CACNA2D3: variants seen among roughly 807,000 people sequenced by gnomAD.
The protein encoded by CACNA2D3 is calcium voltage-gated channel auxiliary subunit alpha2delta 3.
CACNA2D3 carries 60 observed loss-of-function variants against 160.6 expected under a neutral mutation model. That is an observed-to-expected ratio of 0.37 (90% confidence interval 0.30 to 0.46). The LOEUF is 0.46. CACNA2D3 is among the 20% of genes least tolerant of loss of function. The probability of loss-of-function intolerance (pLI) is 1.00; values close to 1 mark genes in which losing one functional copy is unlikely to be tolerated. For missense variants in CACNA2D3, 1,205 were observed against 1,365.0 expected (o/e 0.88, Z 1.85); for synonymous variants, 558 against 492.9 (o/e 1.13, Z -1.75).
chr3:54,299,601 A>C (rs2107488137), intron 2 of CACNA2D3, among the ~76,000 whole-genome samples: 1 of 152,348 alleles, frequency 6.6e-6, no homozygotes, highest in South Asian at 2.1e-4. Context: ...AATTAACGAG[A>C]GAGCCCACGG....
chr3:54,405,508 T>G (rs1170265301), intron 4 of CACNA2D3, among the ~76,000 whole-genome samples: 1 of 152,036 alleles, frequency 6.6e-6, no homozygotes, highest in Non-Finnish European at 1.5e-5. Context: ...CTGGGAAAAC[T>G]GGATTTCCAT....
chr3:54,349,760 A>G (rs921219984), intron 3 of CACNA2D3, among the ~76,000 whole-genome samples: 1 of 152,164 alleles, frequency 6.6e-6, no homozygotes, highest in Non-Finnish European at 1.5e-5. Context: ...CAGGGGATGT[A>G]GTGCGCATCT....
rs67944483 is a variant in CACNA2D3 at position 54,631,203 on chromosome 3, A to AACACACACACAC, written c.1053+3349_1053+3360dup. ...TGGGTGACAGAGCGAGACTCCATCAAACACACACACACACACACACACACA... is the reference window on the plus strand; with the variant it reads ...TGGGTGACAGAGCGAGACTCCATCAAACACACACACACACACACACACACACACACACACACA... On this transcript the variant is annotated intron_variant, in intron 10 of 37. Transcript: ENST00000474759. 6.9e-3 allele frequency among the ~76,000 whole-genome samples: 1,009 copies of AACACACACACAC among 145,858 alleles called. 7 individuals are homozygous for AACACACACACAC. Among genetic ancestry groups the AACACACACACAC allele is most frequent in the South Asian group, 0.012 (56 of 4,522 alleles).
In CACNA2D3 at chr3:54,879,231, G is replaced by A. The variant is rs1699735191; in HGVS notation, c.1783-119G>A. 33 of 864,502 alleles carry A rather than the reference G, an allele frequency of 3.8e-5. No homozygotes were observed. The South Asian group carries it at 4.1e-4, about 11-fold the overall frequency. 53.6% of individuals were successfully genotyped at this position (864,502 alleles called of 1,614,324 possible). ...TTTACTTATCTCAAACAAGATTCATGTAGTACTGTTAACCTGATCATAGTG... is the reference window on the plus strand; with the variant it reads ...TTTACTTATCTCAAACAAGATTCATATAGTACTGTTAACCTGATCATAGTG... On this transcript the variant is annotated intron_variant, in intron 19 of 37. Transcript: ENST00000474759.
At chr3:54,716,285 A>T (rs142973216) in intron 11 of CACNA2D3, among the ~76,000 whole-genome samples, 14 of 152,292 alleles carry the variant, frequency 9.2e-5, no homozygotes, top group African/African-American at 3.4e-4. Flanking sequence ...GCTAAGGTTG[A>T]GGATACACCC....
At chr3:54,410,950 A>C (rs28813745) in intron 4 of CACNA2D3, among the ~76,000 whole-genome samples, 3,578 of 152,326 alleles carry the variant, frequency 0.023, 63 homozygotes, top group South Asian at 0.056. Flanking sequence ...TAAAACTATC[A>C]GCATTAACAA....
chr3:54,872,897 C>T (rs1699571414), intron 18 of CACNA2D3, among the ~76,000 whole-genome samples: 2 of 152,064 alleles, frequency 1.3e-5, no homozygotes, highest in Admixed American at 6.6e-5. Context: ...ATTCCTTAAA[C>T]ACTGTCACAA....
intron 2 of CACNA2D3, among the ~76,000 whole-genome samples, chr3:54,274,059 G>A (rs184411351): frequency 5.3e-5 from 8 of 152,088 alleles, no homozygotes; most frequent in Admixed American, 2.0e-4. Flanking sequence ...ACTACAGTGT[G>A]TCTTTGTTTG....
intron 14 of CACNA2D3, among the ~76,000 whole-genome samples, chr3:54,831,460 T>G: frequency 6.6e-6 from 1 of 152,174 alleles, no homozygotes. Context: ...CCTTCAAAGG[T>G]GGAGGCTGCC....
In CACNA2D3 at chr3:54,924,587, C is replaced by T. The variant is rs372091371; in HGVS notation, c.2449+24719C>T. ...AGATTCATCCTAGGCTGGTAACACACAGATGGGGGGTTCCAAATAGACATG... is the reference window on the plus strand; with the variant it reads ...AGATTCATCCTAGGCTGGTAACACATAGATGGGGGGTTCCAAATAGACATG... On this transcript the variant is annotated intron_variant, in intron 27 of 37. Transcript: ENST00000474759. 3.9e-6 allele frequency: 6 copies of T among 1,531,006 alleles called. No individual in the cohort carries two copies. In the African/African-American group the frequency reaches 5.5e-5, roughly 14 times the overall value. The allele number at this position is 1,531,006 out of a possible 1,614,324, so 94.8% of individuals were successfully genotyped here. A position where few individuals can be genotyped will look rare whatever the true frequency, so the allele number is the denominator to read the frequency against.
At chr3:54,736,140 TACACACAC>T (rs1215376036) in intron 11 of CACNA2D3, among the ~76,000 whole-genome samples, 3 of 80,618 alleles carry the variant, frequency 3.7e-5, no homozygotes, top group Admixed American at 1.5e-4. Context: ...TGTATATATA[TACACACAC>T]ACACACACAC....
At chr3:54,134,686 C>T (rs902559017) in intron 2 of CACNA2D3, among the ~76,000 whole-genome samples, 1 of 152,254 alleles carries the variant, frequency 6.6e-6, no homozygotes, top group African/African-American at 2.4e-5. Flanking sequence ...CCCTTGCCCA[C>T]AACCCTTGCA....
chr3:54,810,293 A>G (rs1703269649), intron 13 of CACNA2D3, among the ~76,000 whole-genome samples: 1 of 152,330 alleles, frequency 6.6e-6, no homozygotes, highest in South Asian at 2.1e-4. Context: ...TGGAGAGACC[A>G]GATGAGCAGC....
chr3:54,849,554 T>G (rs1223210941), intron 17 of CACNA2D3, among the ~76,000 whole-genome samples: 1 of 152,168 alleles, frequency 6.6e-6, no homozygotes, highest in African/African-American at 2.4e-5. Context: ...GGACCATAAA[T>G]CCATCCTGGC....
At chr3:54,168,341 T>C (rs1700496779) in intron 2 of CACNA2D3, among the ~76,000 whole-genome samples, 1 of 152,250 alleles carries the variant, frequency 6.6e-6, no homozygotes, top group African/African-American at 2.4e-5. Flanking sequence ...TAGGTTGTGT[T>C]TGGTAATTCC....
At chr3:54,215,441 G>A (rs1444875058) in intron 2 of CACNA2D3, among the ~76,000 whole-genome samples, 2 of 152,114 alleles carry the variant, frequency 1.3e-5, no homozygotes, top group Non-Finnish European at 2.9e-5. Flanking sequence ...GAATGTGTTC[G>A]TCGTAACTGA....
At chr3:54,504,266 A>G (rs575508513) in intron 5 of CACNA2D3, among the ~76,000 whole-genome samples, 7 of 152,164 alleles carry the variant, frequency 4.6e-5, no homozygotes, top group Non-Finnish European at 8.8e-5. Context: ...TAAACTCTAG[A>G]GTTTATTTTT....
intron 2 of CACNA2D3, among the ~76,000 whole-genome samples, chr3:54,201,718 C>A (rs1237424451): frequency 2.0e-5 from 3 of 152,030 alleles, no homozygotes; most frequent in Non-Finnish European, 4.4e-5. Flanking sequence ...ATTTGATTTT[C>A]AATTTAAAAG....
intron 2 of CACNA2D3, among the ~76,000 whole-genome samples, chr3:54,132,415 A>G (rs896305707): frequency 6.6e-5 from 10 of 152,318 alleles, no homozygotes; most frequent in African/African-American, 2.4e-4. Flanking sequence ...ACTGGTAACT[A>G]ATTTAAAATT....
Sources: gnomAD v4.1 joint callset for allele counts (sites outside exome capture counted in the v4.1 genomes callset) on GRCh38, gnomAD v4.1.1 for gene constraint, MANE v1.5 for transcripts, NCBI Gene and HGNC (gene_info 2026-07-23, HGNC 2026-07-21) for gene names.